FAM114A1: variants seen among roughly 807,000 people sequenced by gnomAD.
FAM114A1 encodes family with sequence similarity 114 member A1, also known as protein NOXP20.
FAM114A1 carries 62 observed loss-of-function variants against 64.3 expected under a neutral mutation model. The ratio of observed to expected loss-of-function variants is 0.96; its 90% CI spans 0.79 to 1.19. The LOEUF is 1.19. Among genes scored for constraint, FAM114A1 ranks in the 50% most tolerant of loss-of-function variants. The pLI, the probability that FAM114A1 is intolerant of heterozygous loss-of-function variation, is 0.00. For synonymous variants in FAM114A1, 254 were observed against 251.1 expected (o/e 1.01, Z -0.11); for missense variants, 645 against 676.3 (o/e 0.95, Z 0.51).
intron 13 of FAM114A1, among the ~76,000 whole-genome samples, chr4:38,936,295 C>T (rs766117911): frequency 1.1e-4 from 17 of 151,702 alleles, no homozygotes; most frequent in African/African-American, 2.9e-4. Flanking sequence ...AGGGTTTCAC[C>T]GTGTTAGCCA....
chr4:38,896,626 GT>G (rs5857648), intron 4 of FAM114A1, among the ~76,000 whole-genome samples: 71,278 of 151,962 alleles, frequency 0.47, 16,863 homozygotes, highest in Middle Eastern at 0.59. Flanking sequence ...AGAATTTAAA[GT>G]TATGTGTGCC....
chr4:38,927,946 T>A (rs1176618322), intron 9 of FAM114A1, among the ~76,000 whole-genome samples: 1 of 152,192 alleles, frequency 6.6e-6, no homozygotes, highest in Non-Finnish European at 1.5e-5. Flanking sequence ...CCTCCCAAAG[T>A]GCTGGGATTA....
At chr4:38,897,184 C>T (rs531969004) in intron 4 of FAM114A1, among the ~76,000 whole-genome samples, 2 of 152,324 alleles carry the variant, frequency 1.3e-5, no homozygotes, top group African/African-American at 2.4e-5. Flanking sequence ...TCACAAGGCA[C>T]TGTTACTAAC....
intron 12 of FAM114A1, among the ~76,000 whole-genome samples, chr4:38,933,496 T>G (rs917070738): frequency 6.6e-6 from 1 of 152,220 alleles, no homozygotes; most frequent in African/African-American, 2.4e-5. Flanking sequence ...CACTGTGGGT[T>G]GTATGTGTGC....
intron 3 of FAM114A1, among the ~76,000 whole-genome samples, chr4:38,885,267 GCCCGGCCCCGTC>G (rs1480231992): frequency 6.6e-6 from 1 of 150,546 alleles, no homozygotes; most frequent in African/African-American, 2.5e-5. Flanking sequence ...GAGCCACAAA[GCCCGGCCCCGTC>G]CTGTTTTAAA....
intron 3 of FAM114A1, among the ~76,000 whole-genome samples, chr4:38,888,313 A>C (rs1045894537): frequency 6.6e-6 from 1 of 151,970 alleles, no homozygotes; most frequent in African/African-American, 2.4e-5. Flanking sequence ...AGGCCATGAG[A>C]TCAAGACCAG....
intron 9 of FAM114A1, among the ~76,000 whole-genome samples, chr4:38,928,136 A>C: frequency 6.8e-6 from 1 of 147,416 alleles, no homozygotes; most frequent in Non-Finnish European, 1.5e-5. Context: ...TTGTCCATAA[A>C]ACAGAAAATA....
chr4:38,913,930 T>G (rs1164281892), intron 7 of FAM114A1, among the ~76,000 whole-genome samples: 2 of 151,572 alleles, frequency 1.3e-5, no homozygotes, highest in East Asian at 3.9e-4. Context: ...AAACCCCATC[T>G]CTACTAAAAA....
chr4:38,917,750 C>G (rs1413145096), intron 8 of FAM114A1, among the ~76,000 whole-genome samples: 1 of 152,152 alleles, frequency 6.6e-6, no homozygotes, highest in East Asian at 1.9e-4. Context: ...GAAAAGAGCC[C>G]CCAAGGACTT....
intron 3 of FAM114A1, among the ~76,000 whole-genome samples, chr4:38,881,783 C>T (rs1294021674): frequency 6.6e-6 from 1 of 152,128 alleles, no homozygotes; most frequent in South Asian, 2.1e-4. Context: ...TTGTTGCATA[C>T]TCATAAGAAA....
intron 8 of FAM114A1, among the ~76,000 whole-genome samples, chr4:38,918,917 C>T (rs146738814): frequency 0.054 from 8,150 of 152,178 alleles, 248 homozygotes; most frequent in Middle Eastern, 0.13. Flanking sequence ...TTCAGGAGGC[C>T]GAGGCAGGTG....
intron 9 of FAM114A1, among the ~76,000 whole-genome samples, chr4:38,927,047 G>T (rs915036100): frequency 6.6e-6 from 1 of 152,154 alleles, no homozygotes. Flanking sequence ...CTGCAGCCAC[G>T]CTGACGTCCT....
At chr4:38,922,232 G>A (rs772532585) in intron 8 of FAM114A1, among the ~76,000 whole-genome samples, 7 of 152,170 alleles carry the variant, frequency 4.6e-5, no homozygotes, top group African/African-American at 1.2e-4. Context: ...GAGCCACCGC[G>A]TCTGGCCGTA....
intron 11 of FAM114A1, 110 bp from the exon 12 acceptor site, chr4:38,932,125 T>G: frequency 1.6e-6 from 2 of 1,223,290 alleles, no homozygotes; most frequent in African/African-American, 1.5e-5. Flanking sequence ...CTATTTCGGG[T>G]TATATTTGGG....
chr4:38,922,944 C>T (rs758923619), intron 9 of FAM114A1, 51 bp downstream of exon 9: 30 of 1,557,710 alleles, frequency 1.9e-5, no homozygotes, highest in East Asian at 2.3e-5. Context: ...ATAATCCTTA[C>T]GAAACTGCTG....
chr4:38,931,705 T>C, intron 11 of FAM114A1, 93 bp downstream of exon 11: 1 of 1,314,592 alleles, frequency 7.6e-7, no homozygotes. Context: ...GCCATTTCTT[T>C]TTCATTTGTT....
chr4:38,873,749 C>T (rs1714335637), intron 2 of FAM114A1, among the ~76,000 whole-genome samples: 1 of 152,170 alleles, frequency 6.6e-6, no homozygotes, highest in Non-Finnish European at 1.5e-5. Context: ...GATATTTACA[C>T]TGTCTCATTT....
At chr4:38,912,129 G>C (rs1459423820) in intron 7 of FAM114A1, among the ~76,000 whole-genome samples, 1 of 151,934 alleles carries the variant, frequency 6.6e-6, no homozygotes, top group Non-Finnish European at 1.5e-5. Flanking sequence ...GAAAAGTGCT[G>C]AGAGTACAGG....
intron 4 of FAM114A1, among the ~76,000 whole-genome samples, chr4:38,895,174 G>C (rs1380034460): frequency 1.3e-5 from 2 of 152,226 alleles, no homozygotes. Flanking sequence ...GGCTCTGCCA[G>C]CTGCTCAGCT....
Sources: allele counts gnomAD v4.1 joint callset (sites outside exome capture counted in the v4.1 genomes callset), GRCh38; gene constraint gnomAD v4.1.1; transcripts MANE v1.5; gene names NCBI Gene and HGNC (gene_info 2026-07-23, HGNC 2026-07-21).